The following ZMIZ1 variants were observed in gnomAD, a reference collection of about 807,000 sequenced individuals.
ZMIZ1 encodes the protein zinc finger MIZ domain-containing protein 1.
In ZMIZ1, 17 loss-of-function variants were observed where a neutral mutation model predicts 113.9. The ratio of observed to expected loss-of-function variants is 0.15; its 90% CI spans 0.10 to 0.22. The LOEUF (loss-of-function observed/expected upper bound fraction) is 0.22, where lower values mean the gene tolerates loss of function less well. Ranked by LOEUF, ZMIZ1 falls within the 10% of genes least tolerant of loss-of-function variation. The pLI is 1.00. For missense variants in ZMIZ1, 1,059 were observed against 1,477.8 expected (o/e 0.72, Z 4.65); for synonymous variants, 607 against 603.1 (o/e 1.01, Z -0.09).
chr10:79,084,850 C>T (rs1842759827), intron 1 of ZMIZ1, among the ~76,000 whole-genome samples: 1 of 123,504 alleles, frequency 8.1e-6, no homozygotes, highest in African/African-American at 3.1e-5. Context: ...GAGGGAAGTC[C>T]TGCTTTCCAG....
At position 79,238,808 on chromosome 10, in the gene ZMIZ1, T is replaced by C. The variant is rs1340652231; in HGVS notation, c.280+22534T>C. ...GTTTCTGTACAGTGGAAATAGCTCC[T>C]GTCAGAAAGGTCTGGTGGTGAGGAT... On this transcript the variant is annotated intron_variant, in intron 7 of 24. Transcript: ENST00000334512. 2.0e-5 allele frequency among the ~76,000 whole-genome samples: 3 copies of C among 152,242 alleles called. No individual in the cohort carries two copies. The East Asian group carries it at 5.8e-4, about 29-fold the overall frequency.
chr10:79,284,007 G>C (rs899683577), intron 8 of ZMIZ1, among the ~76,000 whole-genome samples: 1 of 152,208 alleles, frequency 6.6e-6, no homozygotes, highest in Admixed American at 6.5e-5. Context: ...ACCCTTAATG[G>C]AAATTGGTTA....
intron 7 of ZMIZ1, among the ~76,000 whole-genome samples, chr10:79,231,871 C>A (rs1225834602): frequency 6.6e-6 from 1 of 152,220 alleles, no homozygotes; most frequent in Non-Finnish European, 1.5e-5. Context: ...AGCCACCGTG[C>A]CCGGTCATGC....
chr10:79,289,652 AC>A (rs1384513981), intron 8 of ZMIZ1, 122 bp from the exon 9 acceptor site: 1 of 837,034 alleles, frequency 1.2e-6, no homozygotes, highest in Non-Finnish European at 1.9e-6. Context: ...TCCAGTACCG[AC>A]TCGGATGGGG....
At chr10:79,206,616 G>C (rs1425493468) in intron 5 of ZMIZ1, among the ~76,000 whole-genome samples, 1 of 152,240 alleles carries the variant, frequency 6.6e-6, no homozygotes, top group East Asian at 1.9e-4. Flanking sequence ...CAAATGCAGG[G>C]AGCACTGCCT....
chr10:79,174,662 C>T (rs1236905919), intron 4 of ZMIZ1, among the ~76,000 whole-genome samples: 1 of 152,198 alleles, frequency 6.6e-6, no homozygotes, highest in African/African-American at 2.4e-5. Context: ...CTTTAAAATC[C>T]AAGCCCAGTT....
chr10:79,296,510 T>C lies in ZMIZ1; in HGVS notation c.1270T>C (p.Phe424Leu). The C allele has an allele frequency of 6.2e-7, 1 of 1,613,914 alleles. No homozygotes were observed. The highest frequency in any genetic ancestry group is 8.5e-7 in the Non-Finnish European group (1 of 1,179,952). The change falls in exon 13 of 25, where the codon TTC becomes CTC. Residue 424 changes from phenylalanine (F) to leucine (L), a missense_variant. Physicochemically the swap from Phe to Leu is conservative, Grantham distance 22. Around this residue, in one of 6 missense-constraint regions of ZMIZ1, gnomAD observed 239 missense variants for 247.5 expected, o/e 0.97. Transcript: ENST00000334512. The surrounding 1 kb of genome is among the most constrained non-coding windows in gnomAD (Gnocchi z 4.1). ...CCAGCAATATGGACCAAACAGCCAG[T>C]TCCCCACCCAGCCAGGCCAGTACCC... Reference protein sequence around the residue: ...GNQQYGPNSQFPTQPGQYPAP... With the variant: ...GNQQYGPNSQLPTQPGQYPAP...
In ZMIZ1 at chr10:79,265,468, CTT is replaced by C. The variant is rs35682814; in HGVS notation, c.281-11697_281-11696del. Among the ~76,000 whole-genome samples, 803 of 91,598 alleles carry C rather than the reference CTT, an allele frequency of 8.8e-3. 2 individuals carry two copies. Among genetic ancestry groups the C allele is most frequent in the Admixed American group, 0.012 (103 of 8,774 alleles). 60.1% of individuals were successfully genotyped at this position (91,598 alleles called of 152,430 possible). A position where few individuals can be genotyped will look rare whatever the true frequency, so the allele number is the denominator to read the frequency against. On this transcript the variant is annotated intron_variant, in intron 7 of 24. Transcript: ENST00000334512. ...GCAGACAACTCCTTTTTTTTCTTTT[CTT>C]TTTTTTTTTTTTTTTGGCCTTTCTT...
intron 1 of ZMIZ1, among the ~76,000 whole-genome samples, chr10:79,099,240 G>A (rs548626081): frequency 2.9e-4 from 44 of 152,252 alleles, no homozygotes; most frequent in African/African-American, 9.4e-4. Context: ...GGGACCCACC[G>A]TGAGGCCCCG....
chr10:79,307,334 T>A (rs878979183), intron 22 of ZMIZ1, 71 bp from the exon 23 acceptor site: 30 of 1,480,532 alleles, frequency 2.0e-5, no homozygotes, highest in Non-Finnish European at 2.5e-5. Context: ...TTTTACACAC[T>A]CTCTGTTCCC....
chr10:79,072,107 G>A (rs1258731608), intron 1 of ZMIZ1, among the ~76,000 whole-genome samples: 1 of 152,176 alleles, frequency 6.6e-6, no homozygotes, highest in East Asian at 1.9e-4. Context: ...CCTTGTCTAT[G>A]CAGAAAAGGG....
chr10:79,114,390 C>T (rs543239953), intron 1 of ZMIZ1, among the ~76,000 whole-genome samples: 7 of 152,034 alleles, frequency 4.6e-5, no homozygotes, highest in Admixed American at 4.6e-4. Flanking sequence ...TTGAGTGAGT[C>T]GGAGAAATCT....
intron 8 of ZMIZ1, among the ~76,000 whole-genome samples, chr10:79,288,352 C>T (rs1853227138): frequency 2.0e-5 from 3 of 152,214 alleles, no homozygotes; most frequent in African/African-American, 4.8e-5. Context: ...GTTGCCCTGG[C>T]TGCTAGGGTT....
chr10:79,107,053 G>T (rs951331672), intron 1 of ZMIZ1, among the ~76,000 whole-genome samples: 8 of 152,220 alleles, frequency 5.3e-5, no homozygotes, highest in Admixed American at 1.3e-4. Context: ...TCTGGCCAGG[G>T]GATGGAGCAG....
chr10:79,266,436 C>G (rs926570245), intron 7 of ZMIZ1, among the ~76,000 whole-genome samples: 1 of 152,154 alleles, frequency 6.6e-6, no homozygotes, highest in African/African-American at 2.4e-5. Context: ...TGGCAGGGTC[C>G]TAATTGGGTC....
intron 1 of ZMIZ1, among the ~76,000 whole-genome samples, chr10:79,090,791 A>G (rs907828560): frequency 1.3e-5 from 2 of 152,220 alleles, no homozygotes; most frequent in African/African-American, 4.8e-5. Flanking sequence ...GGGGGTGCCC[A>G]CTTTGAGAAG....
chr10:79,136,878 T>C lies in ZMIZ1; in HGVS notation c.-226-2804T>C, dbSNP rs185038262. Among the ~76,000 whole-genome samples the C allele has an allele frequency of 2.8e-4, 43 of 152,052 alleles. 1 individual carries two copies. Among genetic ancestry groups the C allele is most frequent in the Admixed American group, 2.8e-3 (43 of 15,282 alleles). ...TGGCCTCTCCTGGGCACAGCCCTGG[T>C]GAAGGCTGGGAATTGCTGGGAGCTA... On this transcript the variant is annotated intron_variant, in intron 2 of 24. Transcript: ENST00000334512.
chr10:79,207,535 C>G (rs936986440), intron 5 of ZMIZ1, among the ~76,000 whole-genome samples: 2 of 151,964 alleles, frequency 1.3e-5, no homozygotes, highest in Non-Finnish European at 2.9e-5. Context: ...AGCCCTGCAG[C>G]CTGGGCCTGA....
intron 1 of ZMIZ1, among the ~76,000 whole-genome samples, chr10:79,111,100 C>G (rs1843721791): frequency 6.6e-6 from 1 of 152,214 alleles, no homozygotes; most frequent in Non-Finnish European, 1.5e-5. Flanking sequence ...CATGAGCAGT[C>G]CCCATCACCT....
Sources: allele counts gnomAD v4.1 joint callset (sites outside exome capture counted in the v4.1 genomes callset), GRCh38; gene constraint gnomAD v4.1.1; regional missense constraint gnomAD v4.1.1; non-coding constraint Gnocchi (gnomAD v3.1); transcripts MANE v1.5; gene names NCBI Gene and HGNC (gene_info 2026-07-23, HGNC 2026-07-21).